The following EYS variants were observed in gnomAD, a reference collection of about 807,000 sequenced individuals.
The protein encoded by EYS is protein eyes shut homolog.
EYS carries 250 observed loss-of-function variants against 282.1 expected under a neutral mutation model. The observed-to-expected ratio is 0.89, with a 90% confidence interval of 0.80 to 0.98. EYS has a LOEUF of 0.98. Ranked by LOEUF, EYS falls within the 50% of genes least tolerant of loss-of-function variation. EYS has a pLI of 0.00. For synonymous variants in EYS, 1,355 were observed against 1,282.9 expected (o/e 1.06, Z -1.20); for missense variants, 4,016 against 3,709.0 (o/e 1.08, Z -2.15).
intron 30 of EYS, among the ~76,000 whole-genome samples, chr6:64,306,359 A>C (rs1320552097): frequency 6.6e-6 from 1 of 152,122 alleles, no homozygotes; most frequent in East Asian, 1.9e-4. Flanking sequence ...TAATACTCCC[A>C]AAATAACCCC....
intron 29 of EYS, among the ~76,000 whole-genome samples, chr6:64,341,653 CCT>C (rs1285596308): frequency 1.3e-5 from 2 of 151,674 alleles, no homozygotes; most frequent in Non-Finnish European, 3.0e-5. Context: ...ACATTTACCC[CCT>C]CTTTATTGTA....
intron 35 of EYS, among the ~76,000 whole-genome samples, chr6:63,881,083 A>G (rs1562076430): frequency 6.6e-6 from 1 of 152,196 alleles, no homozygotes; most frequent in Non-Finnish European, 1.5e-5. Context: ...AAAAGGAACA[A>G]CCAACTTTCC....
intron 35 of EYS, among the ~76,000 whole-genome samples, chr6:63,902,142 T>C (rs1371131441): frequency 6.6e-6 from 1 of 152,074 alleles, no homozygotes; most frequent in Non-Finnish European, 1.5e-5. Context: ...GATCTTCCTG[T>C]CTTGGCCTCC....
intron 5 of EYS, among the ~76,000 whole-genome samples, chr6:65,435,152 T>C (rs2150387457): frequency 6.6e-6 from 1 of 152,046 alleles, no homozygotes; most frequent in Non-Finnish European, 1.5e-5. Context: ...GTTTCATTAA[T>C]TGGTTACAGA....
At chr6:65,143,512 T>C (rs2150210383) in intron 12 of EYS, among the ~76,000 whole-genome samples, 1 of 152,078 alleles carries the variant, frequency 6.6e-6, no homozygotes, top group East Asian at 1.9e-4. Context: ...AATATTATTT[T>C]GGGAAATTAA....
chr6:64,109,356 C>A (rs1582281517), intron 31 of EYS, among the ~76,000 whole-genome samples: 1 of 152,158 alleles, frequency 6.6e-6, no homozygotes, highest in East Asian at 1.9e-4. Flanking sequence ...TTATTCCATC[C>A]TTAATCCTAT....
rs34154043 is a variant in EYS, at chr6:65,405,388, G to GAAAA, written c.863-25_863-22dup. 9,238 of 1,472,026 alleles carry GAAAA rather than the reference G, an allele frequency of 6.3e-3. 3 individuals are homozygous for GAAAA. Among genetic ancestry groups the GAAAA allele is most frequent in the Middle Eastern group, 8.1e-3 (45 of 5,590 alleles). The allele number at this position is 1,472,026 out of a possible 1,614,324, so 91.2% of individuals were successfully genotyped here. On this transcript the variant is annotated intron_variant, in intron 5 of 42. Transcript: ENST00000503581. ...TGGACCTTAAAAAAATCACACACAAGAAAAAAAAAGAAAAGGAAGGAAGGA... is the reference window on the plus strand; with the variant it reads ...TGGACCTTAAAAAAATCACACACAAGAAAAAAAAAAAAAGAAAAGGAAGGAAGGA...
At chr6:63,891,481 A>G (rs562202179) in intron 35 of EYS, among the ~76,000 whole-genome samples, 102 of 152,350 alleles carry the variant, frequency 6.7e-4, no homozygotes, top group Non-Finnish European at 1.4e-3. Context: ...ACCAATGAAA[A>G]AAACCACATG....
At chr6:65,699,091 G>T (rs1769561905) in intron 1 of EYS, among the ~76,000 whole-genome samples, 1 of 151,896 alleles carries the variant, frequency 6.6e-6, no homozygotes, top group Admixed American at 6.6e-5. Context: ...CTTACCATTT[G>T]GTCAATGTTA....
At chr6:64,508,000 T>G in intron 26 of EYS, among the ~76,000 whole-genome samples, 1 of 152,208 alleles carries the variant, frequency 6.6e-6, no homozygotes, top group Admixed American at 6.5e-5. Context: ...GTAATTTTAC[T>G]GAAGTTGATG....
At chr6:64,737,264 G>T (rs1287417873) in intron 22 of EYS, among the ~76,000 whole-genome samples, 1 of 152,110 alleles carries the variant, frequency 6.6e-6, no homozygotes, top group Non-Finnish European at 1.5e-5. Flanking sequence ...ATTGATATCA[G>T]TATTCTTTTC....
intron 35 of EYS, among the ~76,000 whole-genome samples, chr6:63,872,820 T>C (rs1460225700): frequency 1.3e-5 from 2 of 151,976 alleles, no homozygotes; most frequent in Non-Finnish European, 2.9e-5. Flanking sequence ...TAAAAATTAA[T>C]CCCATGTTAC....
chr6:65,541,755 C>A (rs1422726668), intron 2 of EYS, among the ~76,000 whole-genome samples: 1 of 151,822 alleles, frequency 6.6e-6, no homozygotes, highest in Non-Finnish European at 1.5e-5. Flanking sequence ...TTGTATGCTG[C>A]CCAACAATAC....
chr6:64,415,689 A>T (rs1418726676), intron 28 of EYS, among the ~76,000 whole-genome samples: 2 of 152,104 alleles, frequency 1.3e-5, no homozygotes, highest in African/African-American at 4.8e-5. Flanking sequence ...TTTTTTATTG[A>T]CCTATTTTGA....
intron 29 of EYS, among the ~76,000 whole-genome samples, chr6:64,345,938 A>T (rs1049259786): frequency 5.3e-5 from 8 of 152,100 alleles, no homozygotes; most frequent in African/African-American, 1.9e-4. Context: ...GCAGCCAAAA[A>T]ACACATGAAA....
At chr6:65,323,686 G>A (rs1352022723) in intron 11 of EYS, among the ~76,000 whole-genome samples, 5 of 121,896 alleles carry the variant, frequency 4.1e-5, no homozygotes, top group African/African-American at 9.4e-5. Context: ...TTGAAAAATC[G>A]CCTGCCATTG....
intron 13 of EYS, among the ~76,000 whole-genome samples, chr6:65,032,761 G>A (rs1482662152): frequency 6.6e-6 from 1 of 152,036 alleles, no homozygotes; most frequent in Non-Finnish European, 1.5e-5. Flanking sequence ...GTACTGAAGA[G>A]TAGAATATTG....
At chr6:64,846,305 G>T (rs1765711640) in intron 19 of EYS, among the ~76,000 whole-genome samples, 1 of 152,154 alleles carries the variant, frequency 6.6e-6, no homozygotes, top group South Asian at 2.1e-4. Context: ...ACAGATTGGT[G>T]AAGGTCAATC....
chr6:64,606,772 TCTC>T (rs71655153), intron 24 of EYS, among the ~76,000 whole-genome samples: 5,274 of 152,094 alleles, frequency 0.035, 303 homozygotes, highest in African/African-American at 0.12. Flanking sequence ...CACACAGCCT[TCTC>T]CTTACTTGGG....
Sources: gnomAD v4.1 joint callset for allele counts (sites outside exome capture counted in the v4.1 genomes callset) on GRCh38, gnomAD v4.1.1 for gene constraint, MANE v1.5 for transcripts, NCBI Gene and HGNC (gene_info 2026-07-23, HGNC 2026-07-21) for gene names.